Variants in PEBP4 observed in about 807,000 individuals in gnomAD.
The protein encoded by PEBP4 is phosphatidylethanolamine binding protein 4, also known as phosphatidylethanolamine-binding protein 4.
Under a neutral mutation model 23.9 loss-of-function variants are expected in PEBP4, and 22 were observed. That is an observed-to-expected ratio of 0.92 (90% confidence interval 0.66 to 1.31). The LOEUF (loss-of-function observed/expected upper bound fraction) is 1.31. Ranked by LOEUF, PEBP4 falls within the 40% of genes most tolerant of loss-of-function variation. PEBP4 has a pLI of 0.00. For missense variants in PEBP4, 324 were observed against 281.7 expected, an observed-to-expected ratio of 1.15 and a Z score of -1.07; for synonymous variants, 112 against 99.3, an observed-to-expected ratio of 1.13 and a Z score of -0.76.
Position 22,796,251 on chromosome 8 carries a change from AGTGTGCGTGT to A in PEBP4, c.357+21376_357+21385del, listed in dbSNP as rs1372138691. ...TGCCCAGTTTTCTCAGCAATTCTCA[AGTGTGCGTGT>A]GTGTGTGTGTGTGTGTGTGTGTGTG... On this transcript the variant is annotated intron_variant, in intron 4 of 6. Coordinates refer to ENST00000256404, the MANE Select transcript of PEBP4 (RefSeq NM_144962.3). Among the ~76,000 whole-genome samples, 5 of 109,548 alleles carry A rather than the reference AGTGTGCGTGT, an allele frequency of 4.6e-5. 1 individual carries two copies. The highest frequency in any genetic ancestry group is 1.8e-4 in the African/African-American group (5 of 27,760). The allele number at this position is 109,548 out of a possible 152,430, so 71.9% of individuals were successfully genotyped here. A position where few individuals can be genotyped will look rare whatever the true frequency, so the allele number is the denominator to read the frequency against.
At chr8:22,772,217 T>A (rs28405406) in intron 4 of PEBP4, among the ~76,000 whole-genome samples, 1,847 of 152,350 alleles carry the variant, frequency 0.012, 33 homozygotes, top group African/African-American at 0.042. Flanking sequence ...AACCAAGGCT[T>A]AATGCAATTA....
At chr8:22,803,402 T>C (rs1806429657) in intron 4 of PEBP4, among the ~76,000 whole-genome samples, 1 of 152,078 alleles carries the variant, frequency 6.6e-6, no homozygotes, top group African/African-American at 2.4e-5. Flanking sequence ...GCACGGTGGC[T>C]CACACCTGTA....
intron 4 of PEBP4, among the ~76,000 whole-genome samples, chr8:22,737,808 G>A (rs1268776502): frequency 6.6e-6 from 1 of 152,216 alleles, no homozygotes; most frequent in East Asian, 1.9e-4. Context: ...ACCTGCCCTG[G>A]TTTCTTCACA....
intron 5 of PEBP4, among the ~76,000 whole-genome samples, chr8:22,725,840 C>G (rs1433071548): frequency 6.6e-6 from 1 of 152,126 alleles, no homozygotes; most frequent in African/African-American, 2.4e-5. Flanking sequence ...CCCTTCTTTC[C>G]TCTCCTGATC....
At chr8:22,917,172 G>A (rs1809095828) in intron 3 of PEBP4, among the ~76,000 whole-genome samples, 1 of 152,000 alleles carries the variant, frequency 6.6e-6, no homozygotes, top group Non-Finnish European at 1.5e-5. Flanking sequence ...TCACTGCTTT[G>A]GTGGCATTGC....
chr8:22,713,362 C>T lies in PEBP4; in HGVS notation c.*8G>A, dbSNP rs770357887. 1.3e-6 allele frequency: 2 copies of T among 1,569,766 alleles called. No individual in the cohort carries two copies. The highest frequency in any genetic ancestry group is 1.7e-6 in the Non-Finnish European group (2 of 1,158,668). Reference sequence around the variant, plus strand: ...GTGGCCACATGCCCGGATGGCAAAGCCGGCTATCTAGCAGGCAGCTATCTC... The same window carrying T: ...GTGGCCACATGCCCGGATGGCAAAGTCGGCTATCTAGCAGGCAGCTATCTC... On this transcript the variant is annotated 3_prime_UTR_variant, in exon 7 of 7. Transcript: ENST00000256404.
intron 4 of PEBP4, among the ~76,000 whole-genome samples, chr8:22,805,320 G>A (rs751937860): frequency 6.6e-6 from 1 of 151,654 alleles, no homozygotes; most frequent in African/African-American, 2.4e-5. Context: ...GTTAGCAATC[G>A]CGTGTTTTGT....
intron 3 of PEBP4, among the ~76,000 whole-genome samples, chr8:22,854,958 G>A (rs62495016): frequency 0.72 from 102,367 of 141,864 alleles, 37,406 homozygotes; most frequent in South Asian, 0.8. Flanking sequence ...GTGTGTGTGC[G>A]TGCAAGCTTG....
rs373999089 is a variant in PEBP4 at position 22,852,617 on chromosome 8, TTG to T, written c.259-34884_259-34883del. ...ACAAACTTGGTTCCAACGGAGTCTTTTGTGAGTGTGAAGAAAATATGAATTAT... is the reference window on the plus strand; with the variant it reads ...ACAAACTTGGTTCCAACGGAGTCTTTTGAGTGTGAAGAAAATATGAATTAT... On this transcript the variant is annotated intron_variant, in intron 3 of 6. Coordinates refer to ENST00000256404, the MANE Select transcript of PEBP4 (RefSeq NM_144962.3). 4.0e-3 allele frequency among the ~76,000 whole-genome samples: 609 copies of T among 152,270 alleles called. 4 individuals are homozygous for T. The highest frequency in any genetic ancestry group is 0.014 in the African/African-American group (576 of 41,528).
Position 22,865,590 on chromosome 8 carries a change from C to G in PEBP4, c.259-47855G>C, listed in dbSNP as rs1807876907. Among the ~76,000 whole-genome samples, 1 of 152,314 alleles carries G rather than the reference C, an allele frequency of 6.6e-6. No homozygotes were observed. The highest frequency in any genetic ancestry group is 2.4e-5 in the African/African-American group (1 of 41,578). On this transcript the variant is annotated intron_variant, in intron 3 of 6. Transcript: ENST00000256404. The surrounding 1 kb of genome is among the most constrained non-coding windows in gnomAD (Gnocchi z 6.9). ...CGCCGGGGAAGGAATTCCCTCCGCC[C>G]GGGCGCACGCGGCCCCCCGCCCCCG...
chr8:22,920,113 G>C (rs1209647944), intron 3 of PEBP4, 71 bp downstream of exon 3: 4 of 1,561,460 alleles, frequency 2.6e-6, no homozygotes, highest in Non-Finnish European at 2.6e-6. Context: ...AAGTCACCCA[G>C]ATGAGCAAGC....
In PEBP4 at chr8:22,810,081, C is replaced by G. The variant is rs978617912; in HGVS notation, c.357+7556G>C. The stretch of plus-strand genomic sequence containing the variant: ...GTGCTTCCCTGGAAAACTTCCCCCA[C>G]TGGTCCTGATTCCGCCTGGTGGAGT... On this transcript the variant is annotated intron_variant, in intron 4 of 6. Transcript: ENST00000256404. Among the ~76,000 whole-genome samples, 9 of 152,370 alleles carry G rather than the reference C, an allele frequency of 5.9e-5. No homozygotes were observed. The South Asian group carries it at 1.9e-3, about 32-fold the overall frequency.
chr8:22,864,499 G>A (rs1391359361), intron 3 of PEBP4, among the ~76,000 whole-genome samples: 2 of 152,124 alleles, frequency 1.3e-5, no homozygotes, highest in African/African-American at 4.8e-5. Context: ...TAGGAGACGA[G>A]GGGTTCTGTC....
chr8:22,904,005 T>C (rs938532152), intron 3 of PEBP4, among the ~76,000 whole-genome samples: 3 of 152,202 alleles, frequency 2.0e-5, no homozygotes, highest in Non-Finnish European at 2.9e-5. Context: ...CTGTCTTTGT[T>C]CATCATCACA....
At position 22,810,726 on chromosome 8, in the gene PEBP4, G is replaced by A. The variant is rs181433088; in HGVS notation, c.357+6911C>T. 6.2e-3 allele frequency among the ~76,000 whole-genome samples: 936 copies of A among 151,450 alleles called. 10 individuals carry two copies. Among genetic ancestry groups the A allele is most frequent in the African/African-American group, 0.021 (864 of 41,156 alleles). ...TGTGTGTGTGTGTGAGAGAGAGAGA[G>A]AGAAAGAGAAAGAAAGAGTGAGTTT... On this transcript the variant is annotated intron_variant, in intron 4 of 6. Transcript: ENST00000256404.
At chr8:22,722,257 C>A (rs1009226535) in intron 6 of PEBP4, among the ~76,000 whole-genome samples, 4 of 152,142 alleles carry the variant, frequency 2.6e-5, no homozygotes, top group Admixed American at 6.5e-5. Flanking sequence ...TCTCCTCCTT[C>A]TCTAGGGCCC....
chr8:22,911,142 T>G (rs1158724371), intron 3 of PEBP4, among the ~76,000 whole-genome samples: 1 of 152,124 alleles, frequency 6.6e-6, no homozygotes, highest in East Asian at 1.9e-4. Flanking sequence ...ATAAATAATT[T>G]TCCCTGATCT....
intron 3 of PEBP4, among the ~76,000 whole-genome samples, chr8:22,913,750 C>A (rs1809001481): frequency 6.6e-6 from 1 of 152,200 alleles, no homozygotes; most frequent in South Asian, 2.1e-4. Flanking sequence ...TCCAGTCGAC[C>A]CCTCAACCCC....
chr8:22,910,749 GGA>G (rs1311080939), intron 3 of PEBP4, among the ~76,000 whole-genome samples: 1 of 152,212 alleles, frequency 6.6e-6, no homozygotes, highest in Non-Finnish European at 1.5e-5. Flanking sequence ...ACAACATTCT[GGA>G]GAAGGCAAAA....
Sources: allele counts gnomAD v4.1 joint callset (sites outside exome capture counted in the v4.1 genomes callset), GRCh38; gene constraint gnomAD v4.1.1; non-coding constraint Gnocchi (gnomAD v3.1); transcripts MANE v1.5; gene names NCBI Gene and HGNC (gene_info 2026-07-23, HGNC 2026-07-21).